ELAC2: variants seen among roughly 807,000 people sequenced by gnomAD.
ELAC2 encodes elaC ribonuclease Z 2.
ELAC2 carries 92 observed loss-of-function variants against 105.2 expected under a neutral mutation model. The observed-to-expected ratio is 0.87, with a 90% CI of 0.74 to 1.04. The LOEUF (loss-of-function observed/expected upper bound fraction) is 1.04. Ranked by LOEUF, ELAC2 falls within the 50% of genes least tolerant of loss-of-function variation. The probability of loss-of-function intolerance (pLI) is 0.00; values close to 1 mark genes in which losing one functional copy is unlikely to be tolerated. For missense variants in ELAC2, 1,099 were observed against 1,071.7 expected (o/e 1.03, Z -0.36); for synonymous variants, 468 against 409.1 (o/e 1.14, Z -1.74).
intron 5 of ELAC2, among the ~76,000 whole-genome samples, chr17:13,014,166 G>A (rs1347848666): frequency 2.0e-5 from 3 of 152,024 alleles, no homozygotes; most frequent in Admixed American, 1.3e-4. Flanking sequence ...GATGGCATGC[G>A]CCTGTAGTCC....
chr17:12,998,464 A>T lies in ELAC2; in HGVS notation c.1468T>A (p.Ser490Thr), dbSNP rs149210630. The change falls in exon 16 of 24, where the codon TCT becomes ACT. Residue 490 changes from serine to threonine, a missense_variant. Ser to Thr is a moderately conservative substitution (Grantham distance 58, BLOSUM62 1). Transcript: ENST00000338034. ...YPEIIFLGTGSAIPMKIRNVS... is the reference protein window; with the variant it reads ...YPEIIFLGTGTAIPMKIRNVS... ...TTTCGAATCTTCATCGGGATGGCAG[A>T]CCCTGTTCCAAGGAAGATGATTTCT... The T allele has an allele frequency of 6.2e-7, 1 of 1,614,070 alleles. No homozygotes were observed. The highest frequency in any genetic ancestry group is 8.5e-7 in the Non-Finnish European group (1 of 1,180,032).
intron 11 of ELAC2, 166 bp from the exon 12 acceptor site, chr17:13,003,740 C>G: frequency 1.5e-6 from 1 of 651,254 alleles, no homozygotes; most frequent in Non-Finnish European, 2.8e-6. Context: ...CACGGCAGAC[C>G]CCGGTGCTGG....
In ELAC2 at chr17:13,006,187, G is replaced by A. The variant is rs111859801; in HGVS notation, c.739-208C>T. 161,233 of 577,580 alleles carry A rather than the reference G, an allele frequency of 0.28. 23,878 individuals are homozygous for A. The highest frequency in any genetic ancestry group is 0.35 in the Middle Eastern group (738 of 2,114). 35.8% of individuals were successfully genotyped at this position (577,580 alleles called of 1,614,324 possible). A position where few individuals can be genotyped will look rare whatever the true frequency, so the allele number is the denominator to read the frequency against. ...GGAGTTTGAGACCAGCCTGACCAAC[G>A]TGGAGAAACCCCGTCTCTACTAAAA... On this transcript the variant is annotated intron_variant, in intron 8 of 23. Transcript: ENST00000338034.
chr17:12,998,675 G>A (rs2040598222), intron 15 of ELAC2, among the ~76,000 whole-genome samples, 167 bp from the exon 16 acceptor site: 1 of 152,196 alleles, frequency 6.6e-6, no homozygotes, highest in African/African-American at 2.4e-5. Context: ...CTAGTGGAAG[G>A]CGTTTGGGCT....
rs2040194682 is a variant in ELAC2 at position 12,992,037 on chromosome 17, A to C, written c.*781T>G. Reference sequence around the variant, plus strand: ...CAGTATGGAAGCAACAACACAGCAAATCTATTGTCTCCACTTTTACCCAGA... The same window carrying C: ...CAGTATGGAAGCAACAACACAGCAACTCTATTGTCTCCACTTTTACCCAGA... On this transcript the variant is annotated 3_prime_UTR_variant, in exon 24 of 24. Transcript: ENST00000338034. Among the ~76,000 whole-genome samples the C allele has an allele frequency of 6.6e-6, 1 of 152,112 alleles. No homozygotes were observed. Among genetic ancestry groups the C allele is most frequent in the Non-Finnish European group, 1.5e-5 (1 of 68,014 alleles).
intron 5 of ELAC2, 41 bp from the exon 6 acceptor site, chr17:13,013,316 G>A (rs1446785755): frequency 1.2e-6 from 2 of 1,606,286 alleles, no homozygotes. Flanking sequence ...TTGCATTAGT[G>A]AAGATGTGTG....
At position 13,017,746 on chromosome 17, in the gene ELAC2, G is replaced by C; in HGVS notation, c.202C>G (p.Arg68Gly). 1 of 1,611,694 alleles carries C rather than the reference G, an allele frequency of 6.2e-7. No individual in the cohort carries two copies. Reference protein sequence around the residue: ...VYLQVVAAGSRDSGAALYVFS... With the variant: ...VYLQVVAAGSGDSGAALYVFS... ...ACGTAGAGCGCGGCGCCCGAGTCCC[G>C]GCTACCCGCTGCCACCACCTGCAGG... is the stretch of plus-strand genomic sequence containing the variant. The change falls in exon 1 of 24, where the codon CGG becomes GGG. Residue 68 changes from arginine to glycine, a missense_variant. Arg to Gly is a moderately radical substitution (Grantham distance 125). Transcript: ENST00000338034.
At chr17:12,999,932 C>G (rs1457323262) in intron 15 of ELAC2, among the ~76,000 whole-genome samples, 1 of 152,222 alleles carries the variant, frequency 6.6e-6, no homozygotes, top group Non-Finnish European at 1.5e-5. Flanking sequence ...GCTGGGATTA[C>G]AGGTGTGAGC....
intron 15 of ELAC2, among the ~76,000 whole-genome samples, chr17:12,999,007 C>T (rs2040617588): frequency 1.3e-5 from 2 of 152,114 alleles, no homozygotes; most frequent in Admixed American, 6.5e-5. Flanking sequence ...AATAACAAAA[C>T]ACAGACTAAG....
intron 10 of ELAC2, among the ~76,000 whole-genome samples, 178 bp downstream of exon 10, chr17:13,005,575 G>A (rs530850355): frequency 2.6e-5 from 4 of 152,286 alleles, no homozygotes; most frequent in African/African-American, 9.6e-5. Context: ...GAATGCAGCC[G>A]TGTTGACATG....
At position 12,992,235 on chromosome 17, in the gene ELAC2, G is replaced by A. The variant is rs1207944066; in HGVS notation, c.*583C>T. On this transcript the variant is annotated 3_prime_UTR_variant, in exon 24 of 24. Transcript: ENST00000338034. ...GAATAAGGGTGGCTCTCTGAGGACA[G>A]GTTCCAGAGGTGCTCACTACGACGG... Among the ~76,000 whole-genome samples the A allele has an allele frequency of 6.6e-6, 1 of 152,172 alleles. No individual in the cohort carries two copies. Among genetic ancestry groups the A allele is most frequent in the African/African-American group, 2.4e-5 (1 of 41,458 alleles).
intron 23 of ELAC2, 63 bp downstream of exon 23, chr17:12,993,624 A>G: frequency 1.2e-6 from 2 of 1,609,854 alleles, no homozygotes; most frequent in Non-Finnish European, 1.7e-6. Context: ...CGTCCTACTC[A>G]GTGTGTAGAG....
intron 14 of ELAC2, 149 bp from the exon 15 acceptor site, chr17:13,000,423 G>A: frequency 1.3e-6 from 1 of 768,810 alleles, no homozygotes; most frequent in Non-Finnish European, 2.3e-6. Context: ...TAGGATCTGG[G>A]GCAGGTCTGC....
rs2040196386 is a variant in ELAC2 at position 12,992,048 on chromosome 17, C to CCA, written c.*768_*769dup. ...CAACAACACAGCAAATCTATTGTCT[C>CCA]CACTTTTACCCAGAACCACCAGAAG... is the stretch of plus-strand genomic sequence containing the variant. On this transcript the variant is annotated 3_prime_UTR_variant, in exon 24 of 24. Coordinates refer to ENST00000338034, the MANE Select transcript of ELAC2 (RefSeq NM_018127.7). Among the ~76,000 whole-genome samples the CCA allele has an allele frequency of 2.0e-5, 3 of 152,198 alleles. No homozygotes were observed. The highest frequency in any genetic ancestry group is 7.2e-5 in the African/African-American group (3 of 41,454).
At position 12,994,398 on chromosome 17, in the gene ELAC2, C is replaced by T. The variant is rs200293959; in HGVS notation, c.2108+27G>A. 34 of 1,613,348 alleles carry T rather than the reference C, an allele frequency of 2.1e-5. 1 individual carries two copies. The highest frequency in any genetic ancestry group is 2.0e-4 in the East Asian group (9 of 44,870). On this transcript the variant is annotated intron_variant, in intron 22 of 23. Coordinates refer to ENST00000338034, the MANE Select transcript of ELAC2 (RefSeq NM_018127.7). ...TAGTGGGGGAGGGAGAGGATGTGGG[C>T]GACAAGGACTGACCGGCCTTTGCTA...
At chr17:12,993,553 G>A in intron 23 of ELAC2, 134 bp downstream of exon 23, 1 of 1,362,416 alleles carries the variant, frequency 7.3e-7, no homozygotes, top group Non-Finnish European at 1.0e-6. Flanking sequence ...GACCTGGTTA[G>A]TGATGGGTAG....
intron 10 of ELAC2, 143 bp downstream of exon 10, chr17:13,005,610 C>T: frequency 1.2e-6 from 1 of 822,952 alleles, no homozygotes; most frequent in South Asian, 1.4e-5. Context: ...ATAAAAGAGG[C>T]CATTTTATCA....
rs1446670060 is a variant in ELAC2 at position 12,991,821 on chromosome 17, A to C, written c.*997T>G. On this transcript the variant is annotated 3_prime_UTR_variant, in exon 24 of 24. Coordinates refer to ENST00000338034, the MANE Select transcript of ELAC2 (RefSeq NM_018127.7). ...TCTTTTTACATTCTCCTGGGTAGGG[A>C]ATATACACAATAAATACTAGATTCA... Among the ~76,000 whole-genome samples the C allele has an allele frequency of 6.6e-6, 1 of 151,960 alleles. No homozygotes were observed. Among genetic ancestry groups the C allele is most frequent in the African/African-American group, 2.4e-5 (1 of 41,366 alleles).
rs1425074143 is a variant in ELAC2, at chr17:12,991,839, T to C, written c.*979A>G. Reference sequence around the variant, plus strand: ...GGTAGGGAATATACACAATAAATACTAGATTCAACTTACTTACTTACTTAC... The same window carrying C: ...GGTAGGGAATATACACAATAAATACCAGATTCAACTTACTTACTTACTTAC... On this transcript the variant is annotated 3_prime_UTR_variant, in exon 24 of 24. Coordinates refer to ENST00000338034, the MANE Select transcript of ELAC2 (RefSeq NM_018127.7). Among the ~76,000 whole-genome samples, 1 of 150,696 alleles carries C rather than the reference T, an allele frequency of 6.6e-6. No homozygotes were observed. Among genetic ancestry groups the C allele is most frequent in the Non-Finnish European group, 1.5e-5 (1 of 67,630 alleles).
Sources: gnomAD v4.1 joint callset for allele counts (sites outside exome capture counted in the v4.1 genomes callset) on GRCh38, gnomAD v4.1.1 for gene constraint, MANE v1.5 for transcripts, NCBI Gene and HGNC (gene_info 2026-07-23, HGNC 2026-07-21) for gene names.